GSE1: variants seen among roughly 807,000 people sequenced by gnomAD.
GSE1 encodes the protein genetic suppressor element 1.
In GSE1, 32 loss-of-function variants were observed where a neutral mutation model predicts 112.6. The observed-to-expected ratio is 0.28, with a 90% CI of 0.21 to 0.38. The LOEUF (loss-of-function observed/expected upper bound fraction) is 0.38. Among genes scored for constraint, GSE1 ranks in the 10% least tolerant of loss-of-function variants. The probability of loss-of-function intolerance (pLI) is 1.00; values close to 1 mark genes in which losing one functional copy is unlikely to be tolerated. For missense variants in GSE1, 2,348 were observed against 1,699.2 expected, an observed-to-expected ratio of 1.38 and a Z score of -6.71; for synonymous variants, 1,115 against 735.6, an observed-to-expected ratio of 1.52 and a Z score of -8.35.
intron 2 of GSE1, among the ~76,000 whole-genome samples, chr16:85,458,476 G>A (rs1303016793): frequency 6.6e-6 from 1 of 152,228 alleles, no homozygotes; most frequent in Middle Eastern, 3.2e-3. Context: ...TTGGAAGGGG[G>A]CATGGAGAGA....
intron 1 of GSE1, among the ~76,000 whole-genome samples, chr16:85,345,107 C>T (rs1249977487): frequency 2.6e-5 from 4 of 151,160 alleles, no homozygotes; most frequent in Non-Finnish European, 4.4e-5. Flanking sequence ...CAGGCCTCCT[C>T]TCTGCTTCTA....
At chr16:85,334,228 C>T (rs568907578) in intron 1 of GSE1, among the ~76,000 whole-genome samples, 3 of 152,288 alleles carry the variant, frequency 2.0e-5, no homozygotes, top group South Asian at 4.1e-4. Context: ...TTGCAGGAGT[C>T]GAGCTGGTCC....
chr16:85,575,985 G>C (rs1350035174), intron 1 of GSE1, among the ~76,000 whole-genome samples: 1 of 151,216 alleles, frequency 6.6e-6, no homozygotes, highest in Non-Finnish European at 1.5e-5. Context: ...AGGTGCTCCT[G>C]GTGTTAGAGC....
upstream of GSE1, among the ~76,000 whole-genome samples, chr16:85,607,993 C>T (rs537046301): frequency 8.1e-4 from 123 of 152,232 alleles, no homozygotes; most frequent in Middle Eastern, 3.4e-3. Flanking sequence ...GATCTGTATT[C>T]CTCCCCCCCA....
At chr16:85,613,891 G>A (rs1210711549) in intron 1 of GSE1, among the ~76,000 whole-genome samples, 1 of 148,344 alleles carries the variant, frequency 6.7e-6, no homozygotes, top group Non-Finnish European at 1.5e-5. Flanking sequence ...CTGGGGCCGC[G>A]CCGGTTAGGG....
intron 1 of GSE1, among the ~76,000 whole-genome samples, chr16:85,279,396 C>T (rs2044787771): frequency 6.6e-6 from 1 of 152,192 alleles, no homozygotes. Flanking sequence ...CACTTGAGCC[C>T]AGGAGTCTGA....
At chr16:85,667,497 A>C (rs541619962) in intron 13 of GSE1, among the ~76,000 whole-genome samples, 1 of 152,246 alleles carries the variant, frequency 6.6e-6, no homozygotes, top group African/African-American at 2.4e-5. Flanking sequence ...CCTAGGGATC[A>C]AAACAGCCAC....
intron 2 of GSE1, among the ~76,000 whole-genome samples, chr16:85,646,279 C>T (rs1378982586): frequency 2.6e-5 from 4 of 152,266 alleles, no homozygotes; most frequent in East Asian, 1.9e-4. Context: ...TACCATGCCC[C>T]GGGCTGTAGG....
At chr16:85,302,670 C>G (rs11642436) in intron 1 of GSE1, among the ~76,000 whole-genome samples, 5,183 of 152,314 alleles carry the variant, frequency 0.034, 124 homozygotes, top group Non-Finnish European at 0.054. Flanking sequence ...ATCAAAAGAG[C>G]TGATTGGGCC....
At chr16:85,652,208 C>T (rs2051419736) in intron 3 of GSE1, among the ~76,000 whole-genome samples, 1 of 152,236 alleles carries the variant, frequency 6.6e-6, no homozygotes, top group African/African-American at 2.4e-5. Context: ...CTCTGCTGTC[C>T]TCTGAGCAGG....
At chr16:85,613,989 A>C in intron 1 of GSE1, among the ~76,000 whole-genome samples, 1 of 142,824 alleles carries the variant, frequency 7.0e-6, no homozygotes. Context: ...CGGGTTTGTG[A>C]CCCCCACGCC....
intron 1 of GSE1, among the ~76,000 whole-genome samples, chr16:85,238,367 C>A (rs763137922): frequency 6.6e-6 from 1 of 152,216 alleles, no homozygotes. Context: ...CCAAGGGGGG[C>A]GGTGTTCCGG....
At chr16:85,170,853 C>T (rs567209817) in exon 1 of GSE1, 3 of 985,606 alleles carry the variant, frequency 3.0e-6, no homozygotes, top group South Asian at 4.7e-5. Context: ...ACGTGCCAGT[C>T]CTGCAGCGAC....
intron 2 of GSE1, among the ~76,000 whole-genome samples, chr16:85,382,972 C>T (rs550591170): frequency 1.8e-4 from 26 of 147,152 alleles, no homozygotes; most frequent in East Asian, 8.1e-4. Flanking sequence ...CACACATGCA[C>T]GCTCACACGC....
At chr16:85,434,025 C>T (rs1027262288) in intron 2 of GSE1, among the ~76,000 whole-genome samples, 1 of 152,132 alleles carries the variant, frequency 6.6e-6, no homozygotes, top group African/African-American at 2.4e-5. Context: ...GGGCACAACC[C>T]AAACCTGAGG....
At chr16:85,297,681 C>A (rs1373318376) in intron 1 of GSE1, among the ~76,000 whole-genome samples, 1 of 152,020 alleles carries the variant, frequency 6.6e-6, no homozygotes, top group Admixed American at 6.6e-5. Flanking sequence ...TTTTCCTTTT[C>A]TTTTTTATCT....
chr16:85,277,979 T>A (rs1384522203), intron 1 of GSE1, among the ~76,000 whole-genome samples: 1 of 151,990 alleles, frequency 6.6e-6, no homozygotes, highest in African/African-American at 2.4e-5. Flanking sequence ...GGGGAATGGG[T>A]GGGAAAGCAG....
At chr16:85,626,198 TC>T (rs1305252489) in intron 1 of GSE1, among the ~76,000 whole-genome samples, 17 of 151,986 alleles carry the variant, frequency 1.1e-4, no homozygotes, top group Middle Eastern at 3.4e-3. Context: ...AGAAGACCTC[TC>T]CCCAGGGTCT....
chr16:85,400,094 G>T (rs2048061197), intron 2 of GSE1, among the ~76,000 whole-genome samples: 1 of 152,232 alleles, frequency 6.6e-6, no homozygotes, highest in Non-Finnish European at 1.5e-5. Flanking sequence ...GCTGACACCT[G>T]CGTCTTCGCC....
Sources: gnomAD v4.1 joint callset for allele counts (sites outside exome capture counted in the v4.1 genomes callset) on GRCh38, gnomAD v4.1.1 for gene constraint, MANE v1.5 for transcripts, NCBI Gene and HGNC (gene_info 2026-07-23, HGNC 2026-07-21) for gene names.